TRAM1: variants seen among roughly 807,000 people sequenced by gnomAD.
TRAM1 encodes translocating chain-associated membrane protein 1.
TRAM1 carries 17 observed loss-of-function variants against 48.7 expected under a neutral mutation model. The ratio of observed to expected loss-of-function variants is 0.35; its 90% confidence interval spans 0.24 to 0.52. The LOEUF is 0.52. Ranked by LOEUF, TRAM1 falls within the 20% of genes least tolerant of loss-of-function variation. TRAM1 has a pLI of 0.94. For synonymous variants in TRAM1, 182 were observed against 154.0 expected, an observed-to-expected ratio of 1.18 and a Z score of -1.34; for missense variants, 351 against 441.5, an observed-to-expected ratio of 0.79 and a Z score of 1.84.
chr8:70,604,436 G>C, intron 1 of TRAM1, among the ~76,000 whole-genome samples: 1 of 152,172 alleles, frequency 6.6e-6, no homozygotes. Context: ...TGTAGTCCCA[G>C]CCACTCAGGT....
chr8:70,598,394 T>A, intron 2 of TRAM1, 139 bp from the exon 3 acceptor site: 2 of 708,464 alleles, frequency 2.8e-6, no homozygotes, highest in South Asian at 6.4e-5. Context: ...TAACGTGGTC[T>A]TGGACATCTT....
intron 10 of TRAM1, among the ~76,000 whole-genome samples, chr8:70,581,359 A>G (rs757103490): frequency 7.9e-5 from 12 of 152,270 alleles, no homozygotes; most frequent in Non-Finnish European, 1.0e-4. Flanking sequence ...TGGTTCTGGC[A>G]TAAGAATCGA....
At chr8:70,590,504 T>C (rs964082196) in intron 6 of TRAM1, among the ~76,000 whole-genome samples, 2 of 152,176 alleles carry the variant, frequency 1.3e-5, no homozygotes, top group Non-Finnish European at 2.9e-5. Context: ...TTTTAAAAAA[T>C]AGAAACATGG....
chr8:70,606,990 A>T, intron 1 of TRAM1: 5 of 953,052 alleles, frequency 5.2e-6, no homozygotes, highest in Non-Finnish European at 6.2e-6. Flanking sequence ...CTGGAAATAC[A>T]GACTCGTAAA....
At chr8:70,586,284 A>C (rs1170918801) in intron 8 of TRAM1, among the ~76,000 whole-genome samples, 5 of 43,444 alleles carry the variant, frequency 1.2e-4, no homozygotes, top group Admixed American at 3.0e-4. Context: ...GGGGTGGGGG[A>C]GGGGGGAGGG....
intron 6 of TRAM1, among the ~76,000 whole-genome samples, chr8:70,591,264 G>A (rs549932985): frequency 1.3e-5 from 2 of 152,264 alleles, no homozygotes; most frequent in South Asian, 4.1e-4. Context: ...GTGCCACCAT[G>A]CCTGGCTTAC....
At chr8:70,607,393 T>G (rs570257403) in intron 1 of TRAM1, 2 of 985,448 alleles carry the variant, frequency 2.0e-6, no homozygotes, top group South Asian at 9.4e-5. Context: ...GGGCAAAAAG[T>G]TCGTTAACTG....
At chr8:70,590,291 T>C (rs941641085) in intron 6 of TRAM1, among the ~76,000 whole-genome samples, 30 of 152,278 alleles carry the variant, frequency 2.0e-4, no homozygotes, top group African/African-American at 6.7e-4. Flanking sequence ...GCCTACTCTT[T>C]TCTTCTCTGA....
chr8:70,607,087 T>C (rs1817736046), intron 1 of TRAM1: 1 of 947,154 alleles, frequency 1.1e-6, no homozygotes. Context: ...GTATATTTAC[T>C]GAGACATAAA....
rs773791542 is a variant in TRAM1 at position 70,583,245 on chromosome 8, T to C, written c.970A>G (p.Arg324Gly). Residue 324 changes from arginine (R) to glycine (G), a missense_variant, in exon 10 of 11, where the codon AGG (arginine) becomes GGG (glycine). Arg to Gly is a moderately radical substitution (Grantham distance 125). Transcript: ENST00000262213. ...GGTGCCTGAAAAGCAGAATGTTCCC[T>C]CCACCTTCGAAGCTGAAAATTAATG... ...KFINFQLRRW[R>G]EHSAFQAPAV... The C allele has an allele frequency of 6.2e-7, 1 of 1,614,038 alleles. No homozygotes were observed. Among genetic ancestry groups the C allele is most frequent in the Non-Finnish European group, 8.5e-7 (1 of 1,180,002 alleles).
intron 10 of TRAM1, among the ~76,000 whole-genome samples, chr8:70,578,483 A>G (rs1354668563): frequency 2.0e-5 from 3 of 152,240 alleles, no homozygotes; most frequent in Non-Finnish European, 4.4e-5. Context: ...AAAAACACAA[A>G]AAGTAGTGGC....
In TRAM1 at chr8:70,583,115, T is replaced by C. The variant is rs374423353; in HGVS notation, c.1051+49A>G. On this transcript the variant is annotated intron_variant, in intron 10 of 10. Coordinates refer to ENST00000262213, the MANE Select transcript of TRAM1 (RefSeq NM_014294.6). ...AAATAAGATCCAACAACAAATTTTT[T>C]AAAAGTTTTCTACTTCCATGAGTTT... The C allele has an allele frequency of 2.0e-5, 31 of 1,565,998 alleles. No individual in the cohort carries two copies. The African/African-American group carries it at 3.9e-4, about 19-fold the overall frequency.
chr8:70,601,409 C>T lies in TRAM1; in HGVS notation c.124-1327G>A, dbSNP rs117798779. 2.1e-3 allele frequency among the ~76,000 whole-genome samples: 320 copies of T among 152,320 alleles called. 2 individuals carry two copies. Among genetic ancestry groups the T allele is most frequent in the Non-Finnish European group, 3.6e-3 (244 of 68,026 alleles). ...TTTTCAAGGAAGTCTCCCTGTCTTC[C>T]TAGAGTAGGTCATTTCCTTTGTTAG... On this transcript the variant is annotated intron_variant, in intron 1 of 10. Transcript: ENST00000262213.
intron 10 of TRAM1, among the ~76,000 whole-genome samples, chr8:70,575,962 G>C (rs1816937374): frequency 6.6e-6 from 1 of 150,622 alleles, no homozygotes; most frequent in South Asian, 2.1e-4. Flanking sequence ...CTGTAATCCT[G>C]ACTACCTGGG....
intron 6 of TRAM1, among the ~76,000 whole-genome samples, chr8:70,591,018 A>G (rs1021237321): frequency 6.6e-6 from 1 of 152,160 alleles, no homozygotes; most frequent in African/African-American, 2.4e-5. Flanking sequence ...AAAAAAAAAA[A>G]AGAGATGAGT....
chr8:70,604,067 C>T (rs1817666995), intron 1 of TRAM1, among the ~76,000 whole-genome samples: 1 of 152,100 alleles, frequency 6.6e-6, no homozygotes, highest in Non-Finnish European at 1.5e-5. Context: ...ATATATAATG[C>T]ACTCGAAAGT....
At chr8:70,599,818 G>A (rs1297089322) in intron 2 of TRAM1, among the ~76,000 whole-genome samples, 1 of 152,150 alleles carries the variant, frequency 6.6e-6, no homozygotes, top group Non-Finnish European at 1.5e-5. Context: ...AAAATATATA[G>A]TAAACAGAAA....
At chr8:70,581,755 C>G (rs1467277740) in intron 10 of TRAM1, among the ~76,000 whole-genome samples, 2 of 152,176 alleles carry the variant, frequency 1.3e-5, no homozygotes, top group Non-Finnish European at 2.9e-5. Flanking sequence ...TGGTATACAT[C>G]CATCCAAAAG....
At chr8:70,595,380 A>G (rs555408082) in intron 5 of TRAM1, among the ~76,000 whole-genome samples, 13 of 152,304 alleles carry the variant, frequency 8.5e-5, no homozygotes, top group African/African-American at 2.9e-4. Flanking sequence ...ATAAAACTTT[A>G]GAAATCAGAG....
Sources: gnomAD v4.1 joint callset for allele counts (sites outside exome capture counted in the v4.1 genomes callset) on GRCh38, gnomAD v4.1.1 for gene constraint, MANE v1.5 for transcripts, NCBI Gene and HGNC (gene_info 2026-07-23, HGNC 2026-07-21) for gene names.